The following ATP8B4 variants were observed in gnomAD, a reference collection of about 807,000 sequenced individuals.
ATP8B4 encodes probable phospholipid-transporting ATPase IM.
A neutral mutation model predicts 145.6 loss-of-function variants in ATP8B4; 133 were observed. That is an observed-to-expected ratio of 0.91 (90% CI 0.79 to 1.05). The LOEUF (loss-of-function observed/expected upper bound fraction) is 1.05, where lower values mean the gene tolerates loss of function less well. ATP8B4 is among the 50% of genes least tolerant of loss of function. The pLI is 0.00. For missense variants in ATP8B4, 1,458 were observed against 1,425.2 expected, an observed-to-expected ratio of 1.02 and a Z score of -0.37; for synonymous variants, 507 against 492.9, an observed-to-expected ratio of 1.03 and a Z score of -0.38.
chr15:49,985,148 G>A (rs181178560), intron 10 of ATP8B4, among the ~76,000 whole-genome samples: 63 of 151,202 alleles, frequency 4.2e-4, no homozygotes, highest in Middle Eastern at 3.4e-3. Flanking sequence ...CCAGGCTGGA[G>A]TGCAGTGGTG....
At chr15:50,124,753 T>C (rs993316930) in intron 1 of ATP8B4, among the ~76,000 whole-genome samples, 2 of 152,056 alleles carry the variant, frequency 1.3e-5, no homozygotes, top group Admixed American at 6.6e-5. Context: ...GAACAATAGA[T>C]CCTACAGGGC....
chr15:50,105,733 C>T (rs2056644516), intron 2 of ATP8B4, among the ~76,000 whole-genome samples: 3 of 152,020 alleles, frequency 2.0e-5, no homozygotes, highest in South Asian at 4.1e-4. Flanking sequence ...CAAAAATTTC[C>T]TACTTTTACA....
intron 9 of ATP8B4, among the ~76,000 whole-genome samples, chr15:49,991,656 A>T (rs776802040): frequency 1.3e-5 from 2 of 152,158 alleles, no homozygotes; most frequent in Non-Finnish European, 2.9e-5. Context: ...GATGTTTGAA[A>T]TGTATAAAAA....
chr15:49,903,608 T>C (rs951165187), intron 20 of ATP8B4, among the ~76,000 whole-genome samples: 1 of 152,192 alleles, frequency 6.6e-6, no homozygotes, highest in Admixed American at 6.5e-5. Flanking sequence ...AATTGATCTG[T>C]TGTGGCCAGG....
intron 2 of ATP8B4, among the ~76,000 whole-genome samples, chr15:50,087,339 A>AATAGATATAG (rs58558934): frequency 7.5e-6 from 1 of 133,912 alleles, no homozygotes; most frequent in Non-Finnish European, 1.5e-5. Context: ...ATTTATATAT[A>AATAGATATAG]ATATAGATCT....
chr15:50,132,382 C>T (rs1567400409), intron 1 of ATP8B4, among the ~76,000 whole-genome samples: 1 of 152,056 alleles, frequency 6.6e-6, no homozygotes, highest in East Asian at 1.9e-4. Flanking sequence ...CTGGTCATTA[C>T]AGAAATGCAA....
At chr15:50,075,882 C>T (rs1448520628) in intron 2 of ATP8B4, among the ~76,000 whole-genome samples, 2 of 152,104 alleles carry the variant, frequency 1.3e-5, no homozygotes, top group Non-Finnish European at 2.9e-5. Context: ...ATCACCATAA[C>T]CCAGAAGTAG....
intron 14 of ATP8B4, among the ~76,000 whole-genome samples, chr15:49,944,764 T>C (rs2042429895): frequency 6.6e-6 from 1 of 152,166 alleles, no homozygotes; most frequent in Non-Finnish European, 1.5e-5. Flanking sequence ...AGAATGCACA[T>C]TCTGTGTCAA....
At position 49,977,516 on chromosome 15, in the gene ATP8B4, T is replaced by G. The variant is rs139668585; in HGVS notation, c.1034+2101A>C. On this transcript the variant is annotated intron_variant, in intron 12 of 27. Coordinates refer to ENST00000284509, the MANE Select transcript of ATP8B4 (RefSeq NM_024837.4). ...ACTCTCAGAAGACTTCTGCCCCTCT[T>G]TAGCTCATGATCCTGAGCAAATCCT... Among the ~76,000 whole-genome samples the G allele has an allele frequency of 5.1e-3, 771 of 152,260 alleles. 21 individuals are homozygous for G. Among genetic ancestry groups the G allele is most frequent in the Admixed American group, 0.041 (622 of 15,272 alleles).
intron 2 of ATP8B4, among the ~76,000 whole-genome samples, chr15:50,095,346 G>C (rs549899948): frequency 9.2e-5 from 14 of 152,154 alleles, no homozygotes; most frequent in Non-Finnish European, 1.6e-4. Flanking sequence ...TCAAATATTT[G>C]ATTGTTTTTA....
intron 6 of ATP8B4, among the ~76,000 whole-genome samples, chr15:50,022,548 T>A (rs1186933924): frequency 2.0e-5 from 3 of 152,204 alleles, no homozygotes; most frequent in East Asian, 1.9e-4. Context: ...GGACAATAAA[T>A]CAAATGACCC....
intron 13 of ATP8B4, among the ~76,000 whole-genome samples, chr15:49,966,684 C>T (rs549996930): frequency 1.8e-4 from 27 of 152,254 alleles, no homozygotes; most frequent in Non-Finnish European, 3.2e-4. Context: ...GGTGGCTGTG[C>T]GCGCAGCGTC....
intron 27 of ATP8B4, among the ~76,000 whole-genome samples, chr15:49,861,881 T>C (rs113400563): frequency 2.0e-5 from 3 of 152,330 alleles, no homozygotes; most frequent in African/African-American, 4.8e-5. Flanking sequence ...CTCTCTTTTA[T>C]TGTGCTTGTA....
At chr15:50,072,074 A>G (rs1286884413) in intron 3 of ATP8B4, among the ~76,000 whole-genome samples, 5 of 151,702 alleles carry the variant, frequency 3.3e-5, no homozygotes, top group Non-Finnish European at 7.4e-5. Flanking sequence ...TTAATAATTA[A>G]TCAAGCTATA....
chr15:49,874,095 C>T (rs1394869062), intron 25 of ATP8B4, among the ~76,000 whole-genome samples: 2 of 152,200 alleles, frequency 1.3e-5, no homozygotes, highest in Non-Finnish European at 2.9e-5. Context: ...GTGTGTCACA[C>T]TAACAGGTGA....
intron 26 of ATP8B4, among the ~76,000 whole-genome samples, chr15:49,864,071 G>GTGTC (rs1161162194): frequency 6.6e-6 from 1 of 152,110 alleles, no homozygotes; most frequent in East Asian, 1.9e-4. Context: ...AATAGTTTTG[G>GTGTC]TGTCTTTGTT....
intron 26 of ATP8B4, among the ~76,000 whole-genome samples, chr15:49,863,871 G>C (rs926397600): frequency 1.3e-5 from 2 of 152,062 alleles, no homozygotes; most frequent in African/African-American, 4.8e-5. Context: ...AATTTCACTG[G>C]AGCTCAGTAA....
chr15:50,080,283 G>A (rs184199820), intron 2 of ATP8B4, among the ~76,000 whole-genome samples: 1 of 152,172 alleles, frequency 6.6e-6, no homozygotes, highest in African/African-American at 2.4e-5. Context: ...AATTAAATGA[G>A]AATACCTCAT....
At chr15:49,939,472 A>G (rs970796987) in intron 14 of ATP8B4, among the ~76,000 whole-genome samples, 17 of 152,300 alleles carry the variant, frequency 1.1e-4, no homozygotes, top group African/African-American at 4.1e-4. Context: ...TATTATGAAT[A>G]CCTCTATGCA....
Sources: allele counts gnomAD v4.1 joint callset (sites outside exome capture counted in the v4.1 genomes callset), GRCh38; gene constraint gnomAD v4.1.1; transcripts MANE v1.5; gene names NCBI Gene and HGNC (gene_info 2026-07-23, HGNC 2026-07-21).